KIF19: variants seen among roughly 807,000 people sequenced by gnomAD.
KIF19 encodes kinesin family member 19.
A neutral mutation model predicts 106.6 loss-of-function variants in KIF19; 98 were observed. The observed-to-expected ratio is 0.92, with a 90% CI of 0.78 to 1.09. The LOEUF (loss-of-function observed/expected upper bound fraction) is 1.09, where lower values mean the gene tolerates loss of function less well. KIF19 is among the 50% of genes least tolerant of loss of function. KIF19 has a pLI of 0.00. For synonymous variants in KIF19, 516 were observed against 584.2 expected (o/e 0.88, Z 1.68); for missense variants, 1,373 against 1,414.3 (o/e 0.97, Z 0.47).
chr17:74,334,301 G>T lies in KIF19; in HGVS notation c.120+5796G>T, dbSNP rs116496476. On this transcript the variant is annotated intron_variant, in intron 2 of 19. Transcript: ENST00000389916. ...CATCTGGATGGATACAAGGAAGGGT[G>T]CTTGTTAACCTGCAGATTTATGGGC... Among the ~76,000 whole-genome samples, 338 of 152,304 alleles carry T rather than the reference G, an allele frequency of 2.2e-3. 1 individual carries two copies. The highest frequency in any genetic ancestry group is 7.6e-3 in the African/African-American group (317 of 41,562).
chr17:74,336,316 C>T (rs369918962), intron 2 of KIF19, among the ~76,000 whole-genome samples: 3 of 152,146 alleles, frequency 2.0e-5, no homozygotes, highest in African/African-American at 7.2e-5. Flanking sequence ...TGATCGACCT[C>T]CCAAAGTTCT....
At position 74,353,569 on chromosome 17, in the gene KIF19, T is replaced by A; in HGVS notation, c.2296T>A (p.Leu766Met). Residue 766 changes from leucine to methionine, a missense_variant, in exon 17 of 20, where the codon TTG becomes ATG. This residue lies in a region of KIF19 where 1,020 missense variants were observed against 1,008.2 expected (regional missense o/e 1.01). Transcript: ENST00000389916. ...CAGTGAGAACCTGTCGGAGATCCCC[T>A]TGTCCCACAAAGGTATGTGTGCCCT... ...DSSENLSEIPLSHKERKEILT... is the reference protein window; with the variant it reads ...DSSENLSEIPMSHKERKEILT... 6.2e-7 allele frequency: 1 copy of A among 1,613,562 alleles called. No individual in the cohort carries two copies. The highest frequency in any genetic ancestry group is 1.1e-5 in the South Asian group (1 of 91,056).
At chr17:74,344,167 T>A in intron 5 of KIF19, 56 bp from the exon 6 acceptor site, 1 of 1,552,952 alleles carries the variant, frequency 6.4e-7, no homozygotes, top group Admixed American at 2.0e-5. Flanking sequence ...AGCCCTGGCC[T>A]TGACCTCCTG....
At chr17:74,339,059 A>C (rs550672387) in intron 2 of KIF19, among the ~76,000 whole-genome samples, 19 of 151,954 alleles carry the variant, frequency 1.3e-4, no homozygotes, top group Admixed American at 6.5e-4. Context: ...GTTAGGACTC[A>C]GTTTACCTCC....
rs1200415976 is a variant in KIF19 at position 74,351,925 on chromosome 17, C to A, written c.1646C>A (p.Thr549Lys). 6.9e-7 allele frequency: 1 copy of A among 1,446,850 alleles called. No individual in the cohort carries two copies. Among genetic ancestry groups the A allele is most frequent in the Non-Finnish European group, 9.0e-7 (1 of 1,106,890 alleles). The allele number at this position is 1,446,850 out of a possible 1,614,324, so 89.6% of individuals were successfully genotyped here. The change falls in exon 13 of 20, where the codon ACG becomes AAG. Residue 549 changes from threonine (T) to lysine (K), a missense_variant. Coordinates refer to ENST00000389916, the MANE Select transcript of KIF19 (RefSeq NM_153209.4). ...LRARGRRLEE[T>K]LPRRIGSEEQ... ...GCGCGGGGCCGGCGCCTGGAGGAGA[C>A]GCTGCCGCGGCGCATCGGCTCCGAG...
intron 9 of KIF19, 81 bp downstream of exon 9, chr17:74,347,980 C>T: frequency 6.8e-7 from 1 of 1,475,336 alleles, no homozygotes; most frequent in Non-Finnish European, 9.1e-7. Flanking sequence ...TGCCACCCCA[C>T]TGCACTCTCT....
rs753223269 is a variant in KIF19 at position 74,353,506 on chromosome 17, G to A, written c.2233G>A (p.Asp745Asn). 3 of 1,613,862 alleles carry A rather than the reference G, an allele frequency of 1.9e-6. No homozygotes were observed. Among genetic ancestry groups the A allele is most frequent in the Admixed American group, 3.3e-5 (2 of 60,026 alleles). The change falls in exon 17 of 20, where the codon GAC becomes AAC. Residue 745 changes from aspartate to asparagine, a missense_variant. Asp to Asn is a conservative substitution (Grantham distance 23). Coordinates refer to ENST00000389916, the MANE Select transcript of KIF19 (RefSeq NM_153209.4). ...SLVTQEAPAQ[D>N]SLGSWINSSP... ...CTCCACCCCACAGGCCCCGGCTCAG[G>A]ACAGCCTGGGCAGCTGGATCAACTC...
intron 9 of KIF19, 80 bp downstream of exon 9, chr17:74,347,979 A>G: frequency 6.7e-7 from 1 of 1,484,952 alleles, no homozygotes; most frequent in Non-Finnish European, 9.1e-7. Flanking sequence ...CTGCCACCCC[A>G]CTGCACTCTC....
intron 2 of KIF19, among the ~76,000 whole-genome samples, chr17:74,339,653 G>A (rs369866639): frequency 5.9e-5 from 9 of 152,284 alleles, no homozygotes; most frequent in African/African-American, 1.4e-4. Context: ...CAGCACCCAC[G>A]GCCCCAGGGA....
At position 74,354,308 on chromosome 17, in the gene KIF19, G is replaced by A. The variant is rs745335580; in HGVS notation, c.2455G>A (p.Asp819Asn). ...GTCCCTGCACTCACTGAGCGAGGGC[G>A]ACGATGCGCGGCCACCAGGCCCACT... ...SLSLHSLSEG[D>N]DARPPGPLAC... Residue 819 changes from aspartate (D) to asparagine (N), a missense_variant, in exon 18 of 20, where the codon GAC becomes AAC. Physicochemically the swap from Asp to Asn is conservative, Grantham distance 23 (BLOSUM62 1). Transcript: ENST00000389916. The A allele has an allele frequency of 3.7e-6, 6 of 1,608,168 alleles. No individual in the cohort carries two copies. The highest frequency in any genetic ancestry group is 2.2e-5 in the East Asian group (1 of 44,802).
Position 74,352,330 on chromosome 17 carries a change from G to T in KIF19, c.1970G>T (p.Arg657Met), listed in dbSNP as rs761648773. Residue 657 changes from arginine (R) to methionine (M), a missense_variant, in exon 14 of 20, where the codon AGG becomes ATG. Transcript: ENST00000389916. The part of the protein sequence containing the change: ...QATIMDQVAS[R>M]ALQDSSLPKI... Reference sequence around the variant, plus strand: ...ACCATCATGGACCAAGTGGCCTCCAGGGCCCTGCAGGTGGGTGGGCGCCTG... The same window carrying T: ...ACCATCATGGACCAAGTGGCCTCCATGGCCCTGCAGGTGGGTGGGCGCCTG... 1.2e-6 allele frequency: 2 copies of T among 1,607,706 alleles called. No homozygotes were observed. Among genetic ancestry groups the T allele is most frequent in the Non-Finnish European group, 1.7e-6 (2 of 1,177,786 alleles).
intron 12 of KIF19, 75 bp downstream of exon 12, chr17:74,350,980 G>A (rs751834176): frequency 5.5e-5 from 80 of 1,467,472 alleles, no homozygotes; most frequent in African/African-American, 1.4e-5. Flanking sequence ...CAAGGCGGAG[G>A]GGCCAGGGTG....
chr17:74,329,157 A>T (rs897951413), intron 2 of KIF19: 1 of 152,244 alleles, frequency 6.6e-6, no homozygotes, highest in Non-Finnish European at 1.5e-5. Context: ...GATAAGACCT[A>T]AACCTGGAGG....
chr17:74,349,203 A>G lies in KIF19; in HGVS notation c.1067A>G (p.Asn356Ser). 1 of 1,613,788 alleles carries G rather than the reference A, an allele frequency of 6.2e-7. No homozygotes were observed. Among genetic ancestry groups the G allele is most frequent in the South Asian group, 1.1e-5 (1 of 91,078 alleles). ...CTGCAGGTGAAGCAGAACCTCCTGA[A>G]CGTCTCCTACCACATCGCCCAGTAC... is the stretch of plus-strand genomic sequence containing the variant. Reference protein sequence around the residue: ...IKTRVKQNLLNVSYHIAQYTS... With the variant: ...IKTRVKQNLLSVSYHIAQYTS... The change falls in exon 10 of 20, where the codon AAC becomes AGC. Residue 356 changes from asparagine (N) to serine (S), a missense_variant. Transcript: ENST00000389916.
In KIF19 at chr17:74,331,188, C is replaced by T. The variant is rs1465361219; in HGVS notation, c.120+2683C>T. ...ACCTGACCCTAGTGACCCCATAGCTCGCTCACAGCCCTGGCCCAGAGGGAG... is the reference window on the plus strand; with the variant it reads ...ACCTGACCCTAGTGACCCCATAGCTTGCTCACAGCCCTGGCCCAGAGGGAG... On this transcript the variant is annotated intron_variant, in intron 2 of 19. Transcript: ENST00000389916. This position sits in a 1 kb window ranked among gnomAD's most constrained non-coding sequence, Gnocchi z 4.1. Among the ~76,000 whole-genome samples the T allele has an allele frequency of 1.3e-5, 2 of 152,162 alleles. No homozygotes were observed. The highest frequency in any genetic ancestry group is 2.4e-5 in the African/African-American group (1 of 41,434).
chr17:74,347,946 G>A, intron 9 of KIF19, 47 bp downstream of exon 9: 1 of 1,548,760 alleles, frequency 6.5e-7, no homozygotes, highest in Non-Finnish European at 8.7e-7. Context: ...CCTGGGCTGA[G>A]ATTCAAGCCC....
chr17:74,328,532 G>T, intron 2 of KIF19, 27 bp downstream of exon 2: 3 of 1,577,080 alleles, frequency 1.9e-6, no homozygotes, highest in Non-Finnish European at 2.6e-6. Context: ...AGCAGGAGCT[G>T]CAGGGCAGAG....
rs563783480 is a variant in KIF19 at position 74,346,525 on chromosome 17, G to T, written c.924+1G>T. 89 of 1,550,698 alleles carry T rather than the reference G, an allele frequency of 5.7e-5. No individual in the cohort carries two copies. In the East Asian group the frequency reaches 1.1e-3, roughly 20 times the overall value. On this transcript the variant is annotated splice_donor_variant, in intron 8 of 19. Transcript: ENST00000389916. LOFTEE classifies it high-confidence loss of function. This position sits in a 1 kb window ranked among gnomAD's most constrained non-coding sequence, Gnocchi z 4.6. ...CAGCAAGCTCACCCGGCTCCTGAAG[G>T]TACCAGCCACAGCTGGGCCTGGGCA... is the stretch of plus-strand genomic sequence containing the variant.
chr17:74,348,239 C>T lies in KIF19; in HGVS notation c.1047+340C>T, dbSNP rs558467671. 2.8e-4 allele frequency among the ~76,000 whole-genome samples: 42 copies of T among 152,370 alleles called. 1 individual carries two copies. The South Asian group carries it at 8.3e-3, about 30-fold the overall frequency. Reference sequence around the variant, plus strand: ...CATGATGGTCATCACAGGAGGCAAGCTTCATTGAGCACTTGCTCTGAGCTG... The same window carrying T: ...CATGATGGTCATCACAGGAGGCAAGTTTCATTGAGCACTTGCTCTGAGCTG... On this transcript the variant is annotated intron_variant, in intron 9 of 19. Transcript: ENST00000389916.
Sources: gnomAD v4.1 joint callset for allele counts (sites outside exome capture counted in the v4.1 genomes callset) on GRCh38, gnomAD v4.1.1 for gene constraint, gnomAD v4.1.1 regional missense constraint, Gnocchi (gnomAD v3.1) non-coding constraint, MANE v1.5 for transcripts, NCBI Gene and HGNC (gene_info 2026-07-23, HGNC 2026-07-21) for gene names.